TBC1D4: variants seen among roughly 807,000 people sequenced by gnomAD.
TBC1D4 encodes the protein TBC (Tre-2, BUB2, CDC16) domain-containing protein.
TBC1D4 carries 121 observed loss-of-function variants against 142.5 expected under a neutral mutation model. The ratio of observed to expected loss-of-function variants is 0.85; its 90% CI spans 0.73 to 0.99. The LOEUF (loss-of-function observed/expected upper bound fraction) is 0.99. TBC1D4 is among the 50% of genes least tolerant of loss of function. The pLI is 0.00. For missense variants in TBC1D4, 1,475 were observed against 1,606.6 expected (o/e 0.92, Z 1.40); for synonymous variants, 630 against 628.2 (o/e 1.00, Z -0.04).
intron 11 of TBC1D4, 53 bp downstream of exon 11, chr13:75,324,184 C>G: frequency 1.9e-6 from 3 of 1,601,080 alleles, no homozygotes; most frequent in Non-Finnish European, 2.6e-6. Context: ...AGTAACATAT[C>G]AGTATATCAC....
chr13:75,312,982 C>G, intron 12 of TBC1D4, 84 bp from the exon 13 acceptor site: 1 of 1,517,264 alleles, frequency 6.6e-7, no homozygotes. Flanking sequence ...ACAAGCCATT[C>G]ACAAGTTCTG....
Position 75,458,704 on chromosome 13 carries a change from T to C in TBC1D4, c.498+22566A>G, listed in dbSNP as rs184378624. 2.6e-5 allele frequency among the ~76,000 whole-genome samples: 4 copies of C among 152,302 alleles called. No individual in the cohort carries two copies. The East Asian group carries it at 7.7e-4, about 29-fold the overall frequency. ...TATTGCATGACAAAAATCCTAAACA[T>C]TTCTACAAGTATAATTTTTTAACAG... On this transcript the variant is annotated intron_variant, in intron 1 of 20. Transcript: ENST00000377636.
At chr13:75,355,383 G>A (rs1023249387) in intron 4 of TBC1D4, among the ~76,000 whole-genome samples, 1 of 151,996 alleles carries the variant, frequency 6.6e-6, no homozygotes, top group Non-Finnish European at 1.5e-5. Context: ...AAACTTTGAG[G>A]GGAAAAAAAT....
intron 1 of TBC1D4, 56 bp downstream of exon 1, chr13:75,481,214 G>GGCA: frequency 9.7e-7 from 1 of 1,029,772 alleles, no homozygotes; most frequent in Non-Finnish European, 1.4e-6. Context: ...CTCCCGCCCT[G>GGCA]CTCCCCGATC....
rs1593793846 is a variant in TBC1D4, at chr13:75,362,912, T to C, written c.499-305A>G. ...CCAACCTATTATGTCATAATATGTC[T>C]TTTGATTGTGTTTAAAAGTTATTTG... On this transcript the variant is annotated intron_variant, in intron 1 of 20. Transcript: ENST00000377636. This position sits in a 1 kb window ranked among gnomAD's most constrained non-coding sequence, Gnocchi z 4.2. Among the ~76,000 whole-genome samples, 1 of 152,334 alleles carries C rather than the reference T, an allele frequency of 6.6e-6. No homozygotes were observed. Among genetic ancestry groups the C allele is most frequent in the South Asian group, 2.1e-4 (1 of 4,832 alleles).
At chr13:75,425,039 T>C (rs1225841071) in intron 1 of TBC1D4, among the ~76,000 whole-genome samples, 1 of 151,726 alleles carries the variant, frequency 6.6e-6, no homozygotes, top group Non-Finnish European at 1.5e-5. Context: ...GCAAACAAAA[T>C]TACCCGAGTG....
chr13:75,383,810 G>C (rs1884006229), intron 1 of TBC1D4, among the ~76,000 whole-genome samples: 2 of 152,132 alleles, frequency 1.3e-5, no homozygotes, highest in Admixed American at 6.5e-5. Context: ...CGGGGCTACT[G>C]TATATAACTG....
chr13:75,481,149 A>T, intron 1 of TBC1D4, 121 bp downstream of exon 1: 1 of 1,400,382 alleles, frequency 7.1e-7, no homozygotes, highest in Non-Finnish European at 9.4e-7. Flanking sequence ...CGCCACGTGG[A>T]GCGCGCGCGC....
chr13:75,412,685 A>G (rs1022365889), intron 1 of TBC1D4, among the ~76,000 whole-genome samples: 1 of 152,208 alleles, frequency 6.6e-6, no homozygotes, highest in African/African-American at 2.4e-5. Flanking sequence ...CAAACAAACA[A>G]AAAGGAAATG....
intron 4 of TBC1D4, among the ~76,000 whole-genome samples, chr13:75,353,909 C>A (rs1566415769): frequency 6.6e-6 from 1 of 152,200 alleles, no homozygotes; most frequent in African/African-American, 2.4e-5. Flanking sequence ...ATGGCACACT[C>A]CTCACTCCAT....
chr13:75,341,625 T>C, intron 5 of TBC1D4, 38 bp from the exon 6 acceptor site: 1 of 1,521,566 alleles, frequency 6.6e-7, no homozygotes, highest in East Asian at 2.3e-5. Flanking sequence ...AAACAGAGTC[T>C]AGCAGCAGAG....
At chr13:75,368,336 G>A (rs1883036788) in intron 1 of TBC1D4, among the ~76,000 whole-genome samples, 1 of 152,160 alleles carries the variant, frequency 6.6e-6, no homozygotes, top group Non-Finnish European at 1.5e-5. Flanking sequence ...TACACTATTG[G>A]GGCCAAAGAA....
intron 1 of TBC1D4, among the ~76,000 whole-genome samples, chr13:75,419,681 T>G (rs1251538210): frequency 6.6e-6 from 1 of 152,196 alleles, no homozygotes; most frequent in African/African-American, 2.4e-5. Context: ...CATCACACAT[T>G]AACTGTGGTC....
chr13:75,346,944 G>T (rs957261308), intron 5 of TBC1D4, among the ~76,000 whole-genome samples: 1 of 151,986 alleles, frequency 6.6e-6, no homozygotes, highest in Admixed American at 6.6e-5. Context: ...TACTAATTAT[G>T]CCATTGATCG....
rs927550637 is a variant in TBC1D4 at position 75,362,771 on chromosome 13, A to G, written c.499-164T>C. Among the ~76,000 whole-genome samples the G allele has an allele frequency of 6.6e-6, 1 of 152,244 alleles. No homozygotes were observed. Among genetic ancestry groups the G allele is most frequent in the African/African-American group, 2.4e-5 (1 of 41,458 alleles). On this transcript the variant is annotated intron_variant, in intron 1 of 20. Transcript: ENST00000377636. This position sits in a 1 kb window ranked among gnomAD's most constrained non-coding sequence, Gnocchi z 4.2. Reference sequence around the variant, plus strand: ...CATACACTTACATTATTTGACATAAATGACTTCAAGATAAAATTAAAATGT... The same window carrying G: ...CATACACTTACATTATTTGACATAAGTGACTTCAAGATAAAATTAAAATGT...
intron 15 of TBC1D4, among the ~76,000 whole-genome samples, chr13:75,303,511 A>C (rs1243105538): frequency 6.6e-6 from 1 of 152,220 alleles, no homozygotes; most frequent in Non-Finnish European, 1.5e-5. Flanking sequence ...AGGGAAATGA[A>C]GTAAGCACTG....
intron 1 of TBC1D4, among the ~76,000 whole-genome samples, chr13:75,456,305 C>T (rs188241213): frequency 1.6e-3 from 244 of 152,222 alleles, no homozygotes; most frequent in Middle Eastern, 6.8e-3. Context: ...TACAAAAGCA[C>T]TAATATAATA....
chr13:75,413,782 A>C (rs1201667477), intron 1 of TBC1D4, among the ~76,000 whole-genome samples: 1 of 152,142 alleles, frequency 6.6e-6, no homozygotes, highest in Non-Finnish European at 1.5e-5. Flanking sequence ...CAGTGTATAA[A>C]AACTGATTCA....
chr13:75,422,783 A>C (rs1361354501), intron 1 of TBC1D4, among the ~76,000 whole-genome samples: 4 of 152,194 alleles, frequency 2.6e-5, no homozygotes. Flanking sequence ...TCTAAATGTC[A>C]CAGAATATTT....
Sources: gnomAD v4.1 joint callset for allele counts (sites outside exome capture counted in the v4.1 genomes callset) on GRCh38, gnomAD v4.1.1 for gene constraint, Gnocchi (gnomAD v3.1) non-coding constraint, MANE v1.5 for transcripts, NCBI Gene and HGNC (gene_info 2026-07-23, HGNC 2026-07-21) for gene names.